LOC128125817: variants seen among roughly 807,000 people sequenced by gnomAD.
At chr1:41,595,891 G>A in the LOC128125817 span, among the ~76,000 whole-genome samples, 3 of 152,100 alleles carry the variant, frequency 2.0e-5, no homozygotes, top group African/African-American at 4.8e-5. Flanking sequence ...GCTTGCAGAC[G>A]GCCTATTGTG....
At chr1:41,601,866 T>C in the LOC128125817 span, among the ~76,000 whole-genome samples, 1 of 152,206 alleles carries the variant, frequency 6.6e-6, no homozygotes, top group Non-Finnish European at 1.5e-5. Context: ...GAGTATAGTA[T>C]TAGCTGTAAG....
At chr1:41,615,446 G>A in the LOC128125817 span, among the ~76,000 whole-genome samples, 2 of 152,244 alleles carry the variant, frequency 1.3e-5, no homozygotes, top group Non-Finnish European at 2.9e-5. Context: ...GGGCACTTAA[G>A]TGGGGTCTAA....
the LOC128125817 span, among the ~76,000 whole-genome samples, chr1:41,598,854 T>G: frequency 6.9e-6 from 1 of 144,936 alleles, no homozygotes; most frequent in South Asian, 2.3e-4. Context: ...CTCATTCTGT[T>G]GCCCAAACTG....
At chr1:41,605,373 G>GCACACA in the LOC128125817 span, among the ~76,000 whole-genome samples, 12 of 106,752 alleles carry the variant, frequency 1.1e-4, no homozygotes, top group African/African-American at 4.7e-4. Flanking sequence ...ACACGCACAC[G>GCACACA]CGCACACACA....
At chr1:41,620,945 C>A in the LOC128125817 span, among the ~76,000 whole-genome samples, 1 of 152,182 alleles carries the variant, frequency 6.6e-6, no homozygotes, top group Non-Finnish European at 1.5e-5. Flanking sequence ...GAGGACCACC[C>A]GAGGCCCTGA....
At chr1:41,608,380 G>T in the LOC128125817 span, among the ~76,000 whole-genome samples, 1 of 152,214 alleles carries the variant, frequency 6.6e-6, no homozygotes, top group Non-Finnish European at 1.5e-5. Context: ...CATCCAGTCT[G>T]CTAGAGAGGT....
At chr1:41,628,292 G>A in the LOC128125817 span, among the ~76,000 whole-genome samples, 5 of 152,158 alleles carry the variant, frequency 3.3e-5, no homozygotes, top group African/African-American at 9.7e-5. Flanking sequence ...TCTAACTCCC[G>A]TGGTGCTCCT....
At chr1:41,621,311 G>A in the LOC128125817 span, among the ~76,000 whole-genome samples, 1 of 152,234 alleles carries the variant, frequency 6.6e-6, no homozygotes, top group Non-Finnish European at 1.5e-5. Context: ...TTATGGGAGG[G>A]TATGTGGACA....
the LOC128125817 span, among the ~76,000 whole-genome samples, chr1:41,627,083 C>T: frequency 6.6e-6 from 1 of 152,212 alleles, no homozygotes; most frequent in Admixed American, 6.5e-5. Flanking sequence ...TTCAGCCTGA[C>T]CTCAGGGACA....
At chr1:41,605,127 AAAGGGAAGGG>A in the LOC128125817 span, among the ~76,000 whole-genome samples, 1 of 127,782 alleles carries the variant, frequency 7.8e-6, no homozygotes, top group Non-Finnish European at 1.6e-5. Context: ...AAAAAAAGAG[AAAGGGAAGGG>A]AAGGGAAGGG....
the LOC128125817 span, among the ~76,000 whole-genome samples, chr1:41,614,512 A>C: frequency 6.6e-6 from 1 of 152,252 alleles, no homozygotes; most frequent in African/African-American, 2.4e-5. Flanking sequence ...GGCTGAGCAG[A>C]GCCAAGCATG....
At chr1:41,603,999 A>G in the LOC128125817 span, among the ~76,000 whole-genome samples, 2 of 152,276 alleles carry the variant, frequency 1.3e-5, no homozygotes, top group Admixed American at 6.5e-5. Flanking sequence ...CACATTCACC[A>G]TAACAGCTAA....
chr1:41,627,218 G>A, the LOC128125817 span, among the ~76,000 whole-genome samples: 7 of 152,202 alleles, frequency 4.6e-5, no homozygotes, highest in Admixed American at 6.5e-5. Context: ...CCTTGTTAAC[G>A]TGGCTGGCAA....
the LOC128125817 span, among the ~76,000 whole-genome samples, chr1:41,594,637 T>C: frequency 1.3e-5 from 2 of 152,248 alleles, no homozygotes; most frequent in South Asian, 2.1e-4. Context: ...ATAAACTCTT[T>C]TGATATTGAA....
the LOC128125817 span, among the ~76,000 whole-genome samples, chr1:41,593,662 A>G: frequency 6.6e-6 from 1 of 152,230 alleles, no homozygotes; most frequent in Non-Finnish European, 1.5e-5. Context: ...CCTCCTGCCT[A>G]TCTGGAATAT....
chr1:41,614,846 C>G, the LOC128125817 span, among the ~76,000 whole-genome samples: 1 of 152,170 alleles, frequency 6.6e-6, no homozygotes, highest in Non-Finnish European at 1.5e-5. Context: ...TGGCCAGTTC[C>G]TCAGAAAAAA....
At chr1:41,587,731 T>C in the LOC128125817 span, among the ~76,000 whole-genome samples, 1 of 152,226 alleles carries the variant, frequency 6.6e-6, no homozygotes. Context: ...AAAGGTGATA[T>C]GATTTTCCCT....
chr1:41,598,192 C>T, the LOC128125817 span, among the ~76,000 whole-genome samples: 4 of 152,312 alleles, frequency 2.6e-5, no homozygotes, highest in South Asian at 8.3e-4. Context: ...TCCAGCCAGT[C>T]TCTCATCAAC....
chr1:41,625,162 C>CAAAAAAAAAAAAAAAAAA, the LOC128125817 span, among the ~76,000 whole-genome samples: 3 of 71,230 alleles, frequency 4.2e-5, no homozygotes, highest in African/African-American at 5.2e-5. Flanking sequence ...GATTCCAACT[C>CAAAAAAAAAAAAAAAAAA]AAAAAAAAAA....
Sources: allele counts gnomAD v4.1 joint callset (sites outside exome capture counted in the v4.1 genomes callset), GRCh38; gene constraint gnomAD v4.1.1; transcripts MANE v1.5.